Variants in CFAP44 observed in about 807,000 individuals in gnomAD.
CFAP44 encodes the protein cilia- and flagella-associated protein 44.
Under a neutral mutation model 216.2 loss-of-function variants are expected in CFAP44, and 134 were observed. The ratio of observed to expected loss-of-function variants is 0.62; its 90% CI spans 0.54 to 0.72. The LOEUF (loss-of-function observed/expected upper bound fraction) is 0.72. CFAP44 is among the 30% of genes least tolerant of loss of function. The pLI, the probability that CFAP44 is intolerant of heterozygous loss-of-function variation, is 0.00. For synonymous variants in CFAP44, 700 were observed against 727.6 expected, an observed-to-expected ratio of 0.96 and a Z score of 0.61; for missense variants, 2,035 against 2,182.1, an observed-to-expected ratio of 0.93 and a Z score of 1.34.
intron 15 of CFAP44, among the ~76,000 whole-genome samples, chr3:113,395,165 A>T (rs914891043): frequency 6.6e-6 from 1 of 152,242 alleles, no homozygotes; most frequent in Non-Finnish European, 1.5e-5. Context: ...CACCTGGCAC[A>T]GCACTTGGTT....
Position 113,291,537 on chromosome 3 carries a change from G to C in CFAP44, c.*20C>G. 1 of 1,532,752 alleles carries C rather than the reference G, an allele frequency of 6.5e-7. No homozygotes were observed. Among genetic ancestry groups the C allele is most frequent in the Non-Finnish European group, 8.7e-7 (1 of 1,143,276 alleles). 94.9% of individuals were successfully genotyped at this position (1,532,752 alleles called of 1,614,324 possible). A position where few individuals can be genotyped will look rare whatever the true frequency, so the allele number is the denominator to read the frequency against. Reference sequence around the variant, plus strand: ...TGAGTTATGTCAGAAATCTTGTATGGGTTTGAGAAAATAGCAAACTCAAAG... The same window carrying C: ...TGAGTTATGTCAGAAATCTTGTATGCGTTTGAGAAAATAGCAAACTCAAAG... On this transcript the variant is annotated 3_prime_UTR_variant, in exon 35 of 35. Transcript: ENST00000393845.
At chr3:113,425,471 G>A (rs1934935206) in intron 4 of CFAP44, among the ~76,000 whole-genome samples, 1 of 152,180 alleles carries the variant, frequency 6.6e-6, no homozygotes, top group African/African-American at 2.4e-5. Context: ...TATCTTAAAA[G>A]ACTCTTATTC....
In CFAP44 at chr3:113,404,000, TC is replaced by T. The variant is rs1934209720; in HGVS notation, c.1021del (p.Glu341AsnfsTer12). 1 of 1,613,632 alleles carries T rather than the reference TC, an allele frequency of 6.2e-7. No homozygotes were observed. Among genetic ancestry groups the T allele is most frequent in the African/African-American group, 1.3e-5 (1 of 74,904 alleles). ...TTCCCAAAGCAGCATGTTGCCCCAT[TC>T]TGACCCTGAGAGCACCTGGCAGGTA... ...LPDGKVLSGS[E>X]WGNMLLWEGG... On this transcript the variant is annotated frameshift_variant, in exon 9 of 35. Coordinates refer to ENST00000393845, the MANE Select transcript of CFAP44 (RefSeq NM_001164496.2). LOFTEE classifies it high-confidence loss of function.
At chr3:113,303,815 G>C in intron 32 of CFAP44, 101 bp downstream of exon 32, 2 of 1,258,380 alleles carry the variant, frequency 1.6e-6, no homozygotes, top group East Asian at 2.5e-5. Context: ...CAGTGGTTCT[G>C]AGTCTGCAAT....
intron 28 of CFAP44, among the ~76,000 whole-genome samples, chr3:113,315,002 G>A (rs547330972): frequency 1.3e-5 from 2 of 151,936 alleles, no homozygotes; most frequent in East Asian, 3.9e-4. Flanking sequence ...TAACCCACAG[G>A]AAAGCAGGAA....
rs1374514611 is a variant in CFAP44 at position 113,306,229 on chromosome 3, T to C, written c.4730A>G (p.Lys1577Arg). Residue 1577 changes from lysine to arginine, a missense_variant, in exon 30 of 35, where the codon AAA (lysine) becomes AGA (arginine). Coordinates refer to ENST00000393845, the MANE Select transcript of CFAP44 (RefSeq NM_001164496.2). The stretch of plus-strand genomic sequence containing the variant: ...TTTTGACAATGTATCATATTCCTTT[T>C]TGAGGTTATCAACAATTTTCTTTTC... Reference protein sequence around the residue: ...VEEKKIVDNLKKEYDTLSKKV... With the variant: ...VEEKKIVDNLRKEYDTLSKKV... 1.3e-6 allele frequency: 2 copies of C among 1,536,936 alleles called. No homozygotes were observed. Among genetic ancestry groups the C allele is most frequent in the Non-Finnish European group, 1.7e-6 (2 of 1,146,750 alleles).
chr3:113,439,200 T>G (rs1935302525), intron 1 of CFAP44, among the ~76,000 whole-genome samples: 1 of 152,222 alleles, frequency 6.6e-6, no homozygotes, highest in South Asian at 2.1e-4. Flanking sequence ...TTAGATAGAC[T>G]GTGCAGTTTT....
chr3:113,341,264 T>C (rs1245038021), intron 24 of CFAP44, among the ~76,000 whole-genome samples: 2 of 152,082 alleles, frequency 1.3e-5, no homozygotes. Flanking sequence ...CGCCTTTCGC[T>C]ACCCAGCACT....
At chr3:113,403,724 G>T in intron 9 of CFAP44, 128 bp downstream of exon 9, 1 of 969,312 alleles carries the variant, frequency 1.0e-6, no homozygotes, top group Non-Finnish European at 1.4e-6. Flanking sequence ...TATTTAAAGT[G>T]AGTTGGCCTT....
chr3:113,414,029 C>T (rs6766106), intron 6 of CFAP44, among the ~76,000 whole-genome samples: 2,562 of 151,772 alleles, frequency 0.017, 58 homozygotes, highest in African/African-American at 0.05. Flanking sequence ...TCCTCTCTTA[C>T]TTCCTTGAGC....
intron 22 of CFAP44, among the ~76,000 whole-genome samples, chr3:113,347,630 C>G (rs535575004): frequency 1.3e-5 from 2 of 152,260 alleles, no homozygotes; most frequent in African/African-American, 4.8e-5. Flanking sequence ...GGTGGGGAGA[C>G]CAACTATCCT....
intron 23 of CFAP44, among the ~76,000 whole-genome samples, chr3:113,342,839 A>T (rs1317914733): frequency 2.0e-5 from 3 of 148,038 alleles, no homozygotes; most frequent in African/African-American, 7.4e-5. Flanking sequence ...AAAATACATA[A>T]AAAAAAAAAA....
In CFAP44 at chr3:113,400,581, G is replaced by A; in HGVS notation, c.1438C>T (p.Pro480Ser). 5 of 1,610,292 alleles carry A rather than the reference G, an allele frequency of 3.1e-6. No individual in the cohort carries two copies. Among genetic ancestry groups the A allele is most frequent in the South Asian group, 1.1e-5 (1 of 90,564 alleles). The stretch of plus-strand genomic sequence containing the variant: ...GTTGTGGCCATGAGATAAGTGAGAG[G>A]AGAAACAGCCACGGCTTCAATAGCT... ...SGAIEAVAVS[P>S]LTYLMATTAL... The change falls in exon 12 of 35, where the codon CCT becomes TCT. Residue 480 changes from proline (P) to serine (S), a missense_variant. This residue lies in a region of CFAP44 where 1,883 missense variants were observed against 2,023.7 expected (regional missense o/e 0.93). Coordinates refer to ENST00000393845, the MANE Select transcript of CFAP44 (RefSeq NM_001164496.2).
At chr3:113,418,993 C>T (rs985316874) in intron 5 of CFAP44, among the ~76,000 whole-genome samples, 7 of 152,166 alleles carry the variant, frequency 4.6e-5, no homozygotes, top group Non-Finnish European at 8.8e-5. Flanking sequence ...CATGAGCCAC[C>T]GTGCTTGGCC....
chr3:113,401,737 T>C lies in CFAP44; in HGVS notation c.1173A>G (p.Ile391Met). Reference protein sequence around the residue: ...ITVGSDGYVRIWDFETIDTAD... With the variant: ...ITVGSDGYVRMWDFETIDTAD... ...CAGTGTCTATTGTCTCAAAATCCCA[T>C]ATCTTGTAAAATGAAAAGAAAATAC... The change falls in exon 10 of 35, where the codon ATA (isoleucine) becomes ATG (methionine). Residue 391 changes from isoleucine (I) to methionine (M), a missense_variant and splice_region_variant. This residue lies in a region of CFAP44 where 1,883 missense variants were observed against 2,023.7 expected (regional missense o/e 0.93). Transcript: ENST00000393845. The C allele has an allele frequency of 6.3e-7, 1 of 1,597,226 alleles. No individual in the cohort carries two copies.
chr3:113,315,469 C>T (rs7617723), intron 28 of CFAP44, among the ~76,000 whole-genome samples: 14,166 of 152,030 alleles, frequency 0.093, 886 homozygotes, highest in African/African-American at 0.17. Context: ...AATGAAATAA[C>T]CCACAATTGT....
chr3:113,325,026 G>A (rs112185935), intron 28 of CFAP44, among the ~76,000 whole-genome samples: 7 of 152,122 alleles, frequency 4.6e-5, no homozygotes, highest in Admixed American at 6.5e-5. Context: ...AAAAGGGGCC[G>A]GGCACAGTGG....
intron 28 of CFAP44, among the ~76,000 whole-genome samples, chr3:113,318,611 A>C (rs931997754): frequency 1.3e-5 from 2 of 152,186 alleles, no homozygotes; most frequent in African/African-American, 4.8e-5. Context: ...GACCACCCCA[A>C]GGCACACAGT....
At chr3:113,428,743 G>C (rs1173781173) in intron 2 of CFAP44, 1 of 152,302 alleles carries the variant, frequency 6.6e-6, no homozygotes. Flanking sequence ...GACTGAACAA[G>C]GATGGGTGCA....
Sources: gnomAD v4.1 joint callset for allele counts (sites outside exome capture counted in the v4.1 genomes callset) on GRCh38, gnomAD v4.1.1 for gene constraint, gnomAD v4.1.1 regional missense constraint, MANE v1.5 for transcripts, NCBI Gene and HGNC (gene_info 2026-07-23, HGNC 2026-07-21) for gene names.